Variants in RAB11FIP4 observed in about 807,000 individuals in gnomAD.
The protein encoded by RAB11FIP4 is RAB11 family interacting protein 4.
A neutral mutation model predicts 74.3 loss-of-function variants in RAB11FIP4; 23 were observed. That is an observed-to-expected ratio of 0.31 (90% confidence interval 0.22 to 0.44). The LOEUF is 0.44. Ranked by LOEUF, RAB11FIP4 falls within the 20% of genes least tolerant of loss-of-function variation. The pLI, the probability that RAB11FIP4 is intolerant of heterozygous loss-of-function variation, is 1.00. For missense variants in RAB11FIP4, 630 were observed against 863.9 expected (o/e 0.73, Z 3.39); for synonymous variants, 360 against 359.9 (o/e 1.00, Z 0.00).
intron 3 of RAB11FIP4, among the ~76,000 whole-genome samples, chr17:31,495,493 G>GCTGC (rs1433911302): frequency 4.6e-5 from 7 of 150,582 alleles, no homozygotes; most frequent in African/African-American, 1.7e-4. Flanking sequence ...TCCCACCTCA[G>GCTGC]CTGCCTGAGT....
chr17:31,524,938 C>T lies in RAB11FIP4; in HGVS notation c.1134-152C>T, dbSNP rs2142824053. ...ACACCCCCTCTATATGTGCGGTGTC[C>T]CCGTTCATCTCTCTGAAAGCTACTG... On this transcript the variant is annotated intron_variant, in intron 9 of 14. Coordinates refer to ENST00000621161, the MANE Select transcript of RAB11FIP4 (RefSeq NM_032932.6). 6 of 860,262 alleles carry T rather than the reference C, an allele frequency of 7.0e-6. 1 individual carries two copies. The East Asian group carries it at 1.6e-4, about 23-fold the overall frequency. 53.3% of individuals were successfully genotyped at this position (860,262 alleles called of 1,614,324 possible). A position where few individuals can be genotyped will look rare whatever the true frequency, so the allele number is the denominator to read the frequency against.
intron 1 of RAB11FIP4, among the ~76,000 whole-genome samples, chr17:31,398,455 G>A (rs2070952086): frequency 2.0e-5 from 3 of 152,136 alleles, no homozygotes; most frequent in South Asian, 2.1e-4. Flanking sequence ...TTGAGAGACC[G>A]TGCCATGGGG....
intron 9 of RAB11FIP4, chr17:31,524,730 A>G (rs1344110237): frequency 7.0e-6 from 2 of 284,600 alleles, no homozygotes; most frequent in Non-Finnish European, 6.7e-6. Context: ...AAGGTGCCCA[A>G]TAAGCTGAAT....
chr17:31,424,621 C>A (rs913198850), intron 1 of RAB11FIP4, among the ~76,000 whole-genome samples: 1 of 149,014 alleles, frequency 6.7e-6, no homozygotes, highest in South Asian at 2.1e-4. Flanking sequence ...TGTTGTCCAG[C>A]CTGGAGTAGA....
rs2072871875 is a variant in RAB11FIP4, at chr17:31,531,559, TC to T, written c.1798-56del. The T allele has an allele frequency of 1.3e-5, 16 of 1,187,456 alleles. No individual in the cohort carries two copies. The East Asian group carries it at 3.7e-4, about 28-fold the overall frequency. 73.6% of individuals were successfully genotyped at this position (1,187,456 alleles called of 1,614,324 possible). On this transcript the variant is annotated intron_variant, in intron 14 of 14. Coordinates refer to ENST00000621161, the MANE Select transcript of RAB11FIP4 (RefSeq NM_032932.6). ...CTGCGACAAGCCTGGGAGTCTGGAC[TC>T]TGCCTGCACCCTATCCCAGGCCCAG... is the stretch of plus-strand genomic sequence containing the variant.
chr17:31,515,689 GC>G (rs1484057513), intron 3 of RAB11FIP4, among the ~76,000 whole-genome samples: 1 of 152,156 alleles, frequency 6.6e-6, no homozygotes, highest in Non-Finnish European at 1.5e-5. Flanking sequence ...TGCCCTGCCA[GC>G]CCTGGCTGAG....
At position 31,397,704 on chromosome 17, in the gene RAB11FIP4, T is replaced by C. The variant is rs185838672; in HGVS notation, c.159+5693T>C. Among the ~76,000 whole-genome samples the C allele has an allele frequency of 4.3e-3, 648 of 152,186 alleles. 3 individuals carry two copies. Among genetic ancestry groups the C allele is most frequent in the Non-Finnish European group, 7.0e-3 (474 of 67,992 alleles). On this transcript the variant is annotated intron_variant, in intron 1 of 14. Coordinates refer to ENST00000621161, the MANE Select transcript of RAB11FIP4 (RefSeq NM_032932.6). ...AAGTGGGGCCAGGGCTGGGGATCCC[T>C]TGGGGCCTGGGGATGGGCATGTGGC... is the stretch of plus-strand genomic sequence containing the variant.
intron 1 of RAB11FIP4, among the ~76,000 whole-genome samples, chr17:31,399,904 G>A (rs2070968401): frequency 6.6e-6 from 1 of 151,702 alleles, no homozygotes; most frequent in Non-Finnish European, 1.5e-5. Context: ...TTAGCCGGGC[G>A]TGATGATGCA....
chr17:31,418,648 A>G (rs1320638985), intron 1 of RAB11FIP4, among the ~76,000 whole-genome samples: 10 of 151,878 alleles, frequency 6.6e-5, no homozygotes, highest in Non-Finnish European at 1.5e-4. Context: ...CATTTTTTGC[A>G]GAGACAGGGT....
intron 3 of RAB11FIP4, among the ~76,000 whole-genome samples, chr17:31,443,507 G>T (rs1406514417): frequency 6.6e-6 from 1 of 152,184 alleles, no homozygotes; most frequent in East Asian, 1.9e-4. Context: ...AGTGAGGTAG[G>T]GATCCAGTTT....
At chr17:31,430,811 G>C (rs773977416) in intron 1 of RAB11FIP4, among the ~76,000 whole-genome samples, 1 of 152,160 alleles carries the variant, frequency 6.6e-6, no homozygotes, top group Non-Finnish European at 1.5e-5. Context: ...TGTGGGAAAT[G>C]AGGGAGCTGT....
rs2072976004 is a variant in RAB11FIP4 at position 31,536,970 on chromosome 17, A to G, written c.*5238A>G. On this transcript the variant is annotated 3_prime_UTR_variant, in exon 15 of 15. Coordinates refer to ENST00000621161, the MANE Select transcript of RAB11FIP4 (RefSeq NM_032932.6). ...TCCTTTCCCCATCTGTAAGGTAGAG[A>G]TGTCTGCCCCGGAGCTACCAGCTGG... 1 of 398,884 alleles carries G rather than the reference A, an allele frequency of 2.5e-6. No homozygotes were observed. The highest frequency in any genetic ancestry group is 2.1e-5 in the African/African-American group (1 of 48,582). The allele number at this position is 398,884 out of a possible 1,614,324, so 24.7% of individuals were successfully genotyped here. A position where few individuals can be genotyped will look rare whatever the true frequency, so the allele number is the denominator to read the frequency against.
Position 31,528,603 on chromosome 17 carries a change from G to A in RAB11FIP4, c.1495-17G>A. The stretch of plus-strand genomic sequence containing the variant: ...CCAGCATCCCTGCTCCTGCCAACCT[G>A]CTTCTCTCCCTCGCAGCTCATCGAG... On this transcript the variant is annotated splice_polypyrimidine_tract_variant and intron_variant, in intron 12 of 14. Coordinates refer to ENST00000621161, the MANE Select transcript of RAB11FIP4 (RefSeq NM_032932.6). The A allele has an allele frequency of 6.2e-7, 1 of 1,613,340 alleles. No homozygotes were observed. The highest frequency in any genetic ancestry group is 8.5e-7 in the Non-Finnish European group (1 of 1,179,630).
At chr17:31,494,007 G>A (rs1330705333) in intron 3 of RAB11FIP4, among the ~76,000 whole-genome samples, 2 of 152,048 alleles carry the variant, frequency 1.3e-5, no homozygotes, top group African/African-American at 2.4e-5. Context: ...GAGGGTTGGG[G>A]TGCCCAACAG....
intron 3 of RAB11FIP4, among the ~76,000 whole-genome samples, chr17:31,436,609 T>C (rs897129755): frequency 7.2e-5 from 11 of 152,112 alleles, no homozygotes; most frequent in African/African-American, 2.4e-4. Flanking sequence ...TAAACCGATA[T>C]TGCTTTCCTC....
At chr17:31,444,005 G>A (rs2071428259) in intron 3 of RAB11FIP4, among the ~76,000 whole-genome samples, 1 of 152,204 alleles carries the variant, frequency 6.6e-6, no homozygotes, top group Non-Finnish European at 1.5e-5. Context: ...TTCAGAAGGG[G>A]CTTTGCCAAA....
chr17:31,403,053 A>G lies in RAB11FIP4; in HGVS notation c.159+11042A>G, dbSNP rs373365305. On this transcript the variant is annotated intron_variant, in intron 1 of 14. Transcript: ENST00000621161. ...ATTGAATATATAGAGATATATGAGTATGACTGAGCATGGTGGCTATTGCAT... is the reference window on the plus strand; with the variant it reads ...ATTGAATATATAGAGATATATGAGTGTGACTGAGCATGGTGGCTATTGCAT... Among the ~76,000 whole-genome samples the G allele has an allele frequency of 3.9e-5, 6 of 152,062 alleles. No homozygotes were observed. The East Asian group carries it at 7.7e-4, about 20-fold the overall frequency.
intron 1 of RAB11FIP4, among the ~76,000 whole-genome samples, chr17:31,413,734 A>G (rs2071121536): frequency 6.6e-6 from 1 of 152,068 alleles, no homozygotes; most frequent in Non-Finnish European, 1.5e-5. Context: ...CTGGGCCCCA[A>G]AACTGCAAGG....
chr17:31,518,669 G>A (rs1331133724), intron 4 of RAB11FIP4: 2 of 150,566 alleles, frequency 1.3e-5, no homozygotes, highest in African/African-American at 4.9e-5. Context: ...TCAGTAGTAG[G>A]ATCACACCTG....
Sources: allele counts gnomAD v4.1 joint callset (sites outside exome capture counted in the v4.1 genomes callset), GRCh38; gene constraint gnomAD v4.1.1; transcripts MANE v1.5; gene names NCBI Gene and HGNC (gene_info 2026-07-23, HGNC 2026-07-21).